The following DLC1 variants were observed in gnomAD, a reference collection of about 807,000 sequenced individuals.
DLC1 encodes rho GTPase-activating protein 7.
DLC1 carries 54 observed loss-of-function variants against 140.3 expected under a neutral mutation model. The ratio of observed to expected loss-of-function variants is 0.38; its 90% CI spans 0.31 to 0.48. The LOEUF is 0.48. Ranked by LOEUF, DLC1 falls within the 20% of genes least tolerant of loss-of-function variation. DLC1 has a pLI of 0.96. For synonymous variants in DLC1, 986 were observed against 728.1 expected (o/e 1.35, Z -5.70); for missense variants, 2,536 against 1,907.0 (o/e 1.33, Z -6.14).
intron 2 of DLC1, among the ~76,000 whole-genome samples, chr8:13,476,158 A>T (rs1371826704): frequency 6.6e-6 from 1 of 152,192 alleles, no homozygotes; most frequent in Non-Finnish European, 1.5e-5. Flanking sequence ...AATAAATAAG[A>T]AGTGCTTATA....
At chr8:13,132,316 C>T (rs1006017286) in intron 5 of DLC1, among the ~76,000 whole-genome samples, 1 of 151,730 alleles carries the variant, frequency 6.6e-6, no homozygotes, top group Non-Finnish European at 1.5e-5. Flanking sequence ...TACCTGCGGC[C>T]ACCAAACCGA....
chr8:13,123,491 C>G (rs925954913), intron 5 of DLC1, among the ~76,000 whole-genome samples: 1 of 150,458 alleles, frequency 6.6e-6, no homozygotes, highest in Non-Finnish European at 1.5e-5. Context: ...CAGGCGCCCG[C>G]CACCACAATG....
At chr8:13,209,730 C>T (rs1338758703) in intron 5 of DLC1, among the ~76,000 whole-genome samples, 1 of 152,070 alleles carries the variant, frequency 6.6e-6, no homozygotes, top group Non-Finnish European at 1.5e-5. Flanking sequence ...TGGCACCTCC[C>T]TCCTGTCTCT....
In DLC1 at chr8:13,085,793, G is replaced by C; in HGVS notation, c.*18C>G. ...AACAAACACCATGGTGGTGGAAGCG[G>C]TTGCGTTGCTTCAGTGATCACCTAG... On this transcript the variant is annotated 3_prime_UTR_variant, in exon 18 of 18. Coordinates refer to ENST00000276297, the MANE Select transcript of DLC1 (RefSeq NM_182643.3). 1 of 1,614,060 alleles carries C rather than the reference G, an allele frequency of 6.2e-7. No individual in the cohort carries two copies. Among genetic ancestry groups the C allele is most frequent in the Non-Finnish European group, 8.5e-7 (1 of 1,179,978 alleles).
chr8:13,550,597 G>A (rs971021768), intron 1 of DLC1, among the ~76,000 whole-genome samples: 5 of 152,102 alleles, frequency 3.3e-5, no homozygotes, highest in African/African-American at 4.8e-5. Flanking sequence ...TTTTGTATAA[G>A]TAGAAAAGAA....
intron 2 of DLC1, among the ~76,000 whole-genome samples, chr8:13,456,381 T>A (rs1010899240): frequency 3.3e-5 from 5 of 152,214 alleles, no homozygotes; most frequent in African/African-American, 1.2e-4. Flanking sequence ...GCAGGAATTA[T>A]GTGCTACATT....
intron 4 of DLC1, among the ~76,000 whole-genome samples, chr8:13,336,777 C>T (rs747965466): frequency 5.9e-5 from 9 of 152,060 alleles, no homozygotes; most frequent in Non-Finnish European, 1.2e-4. Flanking sequence ...TAATAATGTA[C>T]ATAATATATT....
chr8:13,333,426 GTTT>G (rs1833686616), intron 4 of DLC1, among the ~76,000 whole-genome samples: 1 of 140,288 alleles, frequency 7.1e-6, no homozygotes, highest in Non-Finnish European at 1.6e-5. Context: ...TGTTTTTTTT[GTTT>G]TAGTGATGAG....
intron 5 of DLC1, among the ~76,000 whole-genome samples, chr8:13,130,644 C>T (rs895125871): frequency 2.0e-5 from 3 of 152,306 alleles, no homozygotes; most frequent in African/African-American, 7.2e-5. Flanking sequence ...GTTAATTGCT[C>T]ATCTATTCAC....
intron 5 of DLC1, among the ~76,000 whole-genome samples, chr8:13,196,134 A>G (rs1211002535): frequency 6.6e-6 from 1 of 151,004 alleles, no homozygotes. Flanking sequence ...ACACACGTGA[A>G]CTCGAAGAAA....
chr8:13,163,656 C>G (rs1824886562), intron 5 of DLC1, among the ~76,000 whole-genome samples: 1 of 152,030 alleles, frequency 6.6e-6, no homozygotes, highest in Admixed American at 6.5e-5. Flanking sequence ...TTAAAATACT[C>G]AGGAGGCAGC....
At chr8:13,408,525 T>C (rs571785010) in intron 2 of DLC1, among the ~76,000 whole-genome samples, 1 of 152,346 alleles carries the variant, frequency 6.6e-6, no homozygotes, top group Admixed American at 6.5e-5. Context: ...TTTCAAAGGA[T>C]ATTGATACAG....
At chr8:13,490,223 G>A (rs987389155) in intron 2 of DLC1, among the ~76,000 whole-genome samples, 1 of 152,180 alleles carries the variant, frequency 6.6e-6, no homozygotes, top group Non-Finnish European at 1.5e-5. Flanking sequence ...AAACCCTTTT[G>A]AAGTTTCATT....
intron 2 of DLC1, among the ~76,000 whole-genome samples, chr8:13,489,412 TACACAC>T (rs10558551): frequency 4.7e-4 from 62 of 132,352 alleles, no homozygotes; most frequent in East Asian, 2.4e-3. Context: ...ACACACACCA[TACACAC>T]ACACACACAC....
At chr8:13,133,237 G>A (rs1822275021) in intron 5 of DLC1, 7 of 1,395,026 alleles carry the variant, frequency 5.0e-6, no homozygotes, top group Non-Finnish European at 6.5e-6. Flanking sequence ...GAGAGGTGCG[G>A]CCATGTCCTG....
chr8:13,189,905 C>G (rs1826645904), intron 5 of DLC1, among the ~76,000 whole-genome samples: 1 of 151,740 alleles, frequency 6.6e-6, no homozygotes, highest in Admixed American at 6.6e-5. Flanking sequence ...AGAAGCTGCA[C>G]TCTTGGCCCT....
intron 6 of DLC1, among the ~76,000 whole-genome samples, chr8:13,112,536 A>C (rs1820203107): frequency 6.6e-6 from 1 of 152,202 alleles, no homozygotes; most frequent in Non-Finnish European, 1.5e-5. Context: ...TCACAGAATG[A>C]CATTTCTTCA....
chr8:13,107,032 T>C (rs993209706), intron 7 of DLC1, among the ~76,000 whole-genome samples: 1 of 152,210 alleles, frequency 6.6e-6, no homozygotes, highest in Non-Finnish European at 1.5e-5. Flanking sequence ...AATATTGGCC[T>C]TATCATTGGA....
chr8:13,584,082 G>C (rs1304715561), intron 1 of DLC1: 1 of 152,680 alleles, frequency 6.5e-6, no homozygotes, highest in Non-Finnish European at 1.5e-5. Flanking sequence ...GGGATAAGCA[G>C]GTGTCTTGCT....
Sources: gnomAD v4.1 joint callset for allele counts (sites outside exome capture counted in the v4.1 genomes callset) on GRCh38, gnomAD v4.1.1 for gene constraint, MANE v1.5 for transcripts, NCBI Gene and HGNC (gene_info 2026-07-23, HGNC 2026-07-21) for gene names.